The following PTPRD variants were observed in gnomAD, a reference collection of about 807,000 sequenced individuals.
PTPRD encodes the protein protein tyrosine phosphatase receptor type D.
In PTPRD, 34 loss-of-function variants were observed where a neutral mutation model predicts 214.5. That is an observed-to-expected ratio of 0.16 (90% CI 0.12 to 0.21). The LOEUF is 0.21. Among genes scored for constraint, PTPRD ranks in the 10% least tolerant of loss-of-function variants. The probability of loss-of-function intolerance (pLI) is 1.00; values close to 1 mark genes in which losing one functional copy is unlikely to be tolerated. For synonymous variants in PTPRD, 1,128 were observed against 845.7 expected (o/e 1.33, Z -5.79); for missense variants, 2,545 against 2,398.7 (o/e 1.06, Z -1.27).
intron 5 of PTPRD, among the ~76,000 whole-genome samples, chr9:9,825,923 TATA>T (rs1042727964): frequency 6.6e-5 from 10 of 151,784 alleles, no homozygotes; most frequent in Non-Finnish European, 1.5e-4. Flanking sequence ...ATTATTTTAT[TATA>T]ATATTTCTTG....
At chr9:9,030,003 T>C (rs2099599441) in intron 10 of PTPRD, among the ~76,000 whole-genome samples, 1 of 151,878 alleles carries the variant, frequency 6.6e-6, no homozygotes, top group Non-Finnish European at 1.5e-5. Context: ...TACTGACATT[T>C]GATGGTTGAA....
At chr9:10,116,260 A>G (rs534318879) in intron 3 of PTPRD, among the ~76,000 whole-genome samples, 16 of 152,256 alleles carry the variant, frequency 1.1e-4, no homozygotes, top group Non-Finnish European at 2.2e-4. Flanking sequence ...ATCCTATGCT[A>G]CATGGATTAT....
At chr9:9,048,797 ATAACT>A (rs898679621) in intron 10 of PTPRD, among the ~76,000 whole-genome samples, 17 of 152,184 alleles carry the variant, frequency 1.1e-4, no homozygotes, top group Non-Finnish European at 2.1e-4. Flanking sequence ...AAATTTAAAA[ATAACT>A]TAAGGAGTGT....
At chr9:8,416,453 T>A (rs1400599213) in intron 35 of PTPRD, among the ~76,000 whole-genome samples, 1 of 152,158 alleles carries the variant, frequency 6.6e-6, no homozygotes, top group Admixed American at 6.5e-5. Context: ...TGAACTACTT[T>A]CCAGGAAGAG....
chr9:9,185,770 A>G (rs1177228276), intron 9 of PTPRD, among the ~76,000 whole-genome samples: 4 of 152,078 alleles, frequency 2.6e-5, no homozygotes, highest in African/African-American at 9.7e-5. Flanking sequence ...TAATGTCTAT[A>G]TATTAATAAA....
chr9:10,429,403 T>C (rs1325794081), intron 2 of PTPRD, among the ~76,000 whole-genome samples: 1 of 152,020 alleles, frequency 6.6e-6, no homozygotes. Context: ...ATCTCAGCAC[T>C]ATTCACAAAA....
intron 11 of PTPRD, among the ~76,000 whole-genome samples, chr9:8,787,861 T>C (rs141762368): frequency 6.6e-6 from 1 of 151,760 alleles, no homozygotes; most frequent in African/African-American, 2.4e-5. Context: ...ATGGATAATC[T>C]TGCTTACTAT....
At chr9:10,026,956 A>G (rs1226069105) in intron 4 of PTPRD, among the ~76,000 whole-genome samples, 1 of 152,154 alleles carries the variant, frequency 6.6e-6, no homozygotes, top group Non-Finnish European at 1.5e-5. Flanking sequence ...AAATAGCTCC[A>G]ATCGATTTTA....
chr9:9,492,787 T>C (rs1396256312), intron 8 of PTPRD, among the ~76,000 whole-genome samples: 3 of 151,664 alleles, frequency 2.0e-5, no homozygotes, highest in Non-Finnish European at 4.4e-5. Context: ...ATGCCATTTT[T>C]CCAAAAGCAC....
chr9:10,446,267 A>G (rs2098798427), intron 2 of PTPRD, among the ~76,000 whole-genome samples: 1 of 152,068 alleles, frequency 6.6e-6, no homozygotes, highest in Non-Finnish European at 1.5e-5. Context: ...AGAGGAAAGA[A>G]GTGCAGGAAA....
intron 7 of PTPRD, among the ~76,000 whole-genome samples, chr9:9,702,188 G>C (rs994168584): frequency 5.3e-5 from 8 of 152,106 alleles, no homozygotes; most frequent in Non-Finnish European, 1.0e-4. Flanking sequence ...AGAAAGAAAA[G>C]GGCTAAGAAC....
At chr9:10,141,590 C>G (rs191256558) in intron 3 of PTPRD, among the ~76,000 whole-genome samples, 2,473 of 151,826 alleles carry the variant, frequency 0.016, 67 homozygotes, top group African/African-American at 0.057. Flanking sequence ...CACTGCTCAA[C>G]GAAATAAAAG....
chr9:9,402,495 G>T (rs1307607272), intron 8 of PTPRD, among the ~76,000 whole-genome samples: 5 of 151,874 alleles, frequency 3.3e-5, no homozygotes, highest in Non-Finnish European at 7.4e-5. Context: ...TCTCTGGAAG[G>T]GTACATTCTC....
intron 5 of PTPRD, among the ~76,000 whole-genome samples, chr9:9,767,141 G>C (rs1448081522): frequency 6.6e-6 from 1 of 151,384 alleles, no homozygotes; most frequent in South Asian, 2.1e-4. Flanking sequence ...ATTATAGAAA[G>C]AAAGAACATA....
At chr9:9,833,101 G>A (rs2055471022) in intron 5 of PTPRD, among the ~76,000 whole-genome samples, 1 of 151,126 alleles carries the variant, frequency 6.6e-6, no homozygotes, top group Middle Eastern at 3.5e-3. Context: ...GAAGGGGCAA[G>A]GCCAGGTAAT....
intron 11 of PTPRD, among the ~76,000 whole-genome samples, chr9:8,987,269 G>A (rs551163534): frequency 2.6e-5 from 4 of 152,232 alleles, no homozygotes; most frequent in Admixed American, 6.6e-5. Context: ...ATGTGTGAGT[G>A]TGTGGGTGGG....
At chr9:8,911,415 T>TATTGTGTGTG (rs1555510111) in intron 11 of PTPRD, among the ~76,000 whole-genome samples, 1 of 127,632 alleles carries the variant, frequency 7.8e-6, no homozygotes, top group African/African-American at 2.7e-5. Context: ...TGTGTGTGTG[T>TATTGTGTGTG]TGTGTGTGTG....
intron 2 of PTPRD, among the ~76,000 whole-genome samples, chr9:10,449,944 C>G (rs889653223): frequency 6.6e-6 from 1 of 151,738 alleles, no homozygotes; most frequent in East Asian, 1.9e-4. Context: ...ACCTTACCCC[C>G]AACCCCGTGC....
chr9:9,341,099 A>T (rs999359577), intron 9 of PTPRD, among the ~76,000 whole-genome samples: 2 of 149,728 alleles, frequency 1.3e-5, no homozygotes, highest in African/African-American at 5.0e-5. Context: ...GAAAGGAAAA[A>T]TAAAATTGTA....
Sources: gnomAD v4.1 joint callset for allele counts (sites outside exome capture counted in the v4.1 genomes callset) on GRCh38, gnomAD v4.1.1 for gene constraint, MANE v1.5 for transcripts, NCBI Gene and HGNC (gene_info 2026-07-23, HGNC 2026-07-21) for gene names.